The following FRAS1 variants were observed in gnomAD, a reference collection of about 807,000 sequenced individuals.
The protein encoded by FRAS1 is extracellular matrix organizing protein FRAS1.
A neutral mutation model predicts 435.2 loss-of-function variants in FRAS1; 290 were observed. That is an observed-to-expected ratio of 0.67 (90% CI 0.61 to 0.73). The LOEUF (loss-of-function observed/expected upper bound fraction) is 0.73. Among genes scored for constraint, FRAS1 ranks in the 30% least tolerant of loss-of-function variants. The pLI, the probability that FRAS1 is intolerant of heterozygous loss-of-function variation, is 0.00. For missense variants in FRAS1, 4,860 were observed against 5,001.5 expected (o/e 0.97, Z 0.85); for synonymous variants, 1,800 against 1,851.0 (o/e 0.97, Z 0.71).
At position 78,438,712 on chromosome 4, in the gene FRAS1, A is replaced by T; in HGVS notation, c.5360A>T (p.Lys1787Ile). 1 of 1,593,504 alleles carries T rather than the reference A, an allele frequency of 6.3e-7. No homozygotes were observed. The highest frequency in any genetic ancestry group is 8.5e-7 in the Non-Finnish European group (1 of 1,169,838). Residue 1787 changes from lysine (K) to isoleucine (I), a missense_variant, in exon 39 of 74, where the codon AAA becomes ATA. Transcript: ENST00000512123. The stretch of plus-strand genomic sequence containing the variant: ...ACAATGGAAGACATCAATAACAAGA[A>T]AATCAGGTACATAATCACTTTGTAT... ...NFTMEDINNK[K>I]IRYSAVFETD...
intron 2 of FRAS1, among the ~76,000 whole-genome samples, chr4:78,127,697 A>G (rs535751787): frequency 6.6e-6 from 1 of 152,202 alleles, no homozygotes; most frequent in East Asian, 1.9e-4. Flanking sequence ...CAGGAAGAGG[A>G]TCGTTTAGAG....
chr4:78,218,094 T>A lies in FRAS1; in HGVS notation c.109-19416T>A, dbSNP rs762374058. 5.0e-3 allele frequency among the ~76,000 whole-genome samples: 49 copies of A among 9,738 alleles called. 3 individuals carry two copies. The South Asian group carries it at 0.1, about 20-fold the overall frequency. 6.4% of individuals were successfully genotyped at this position (9,738 alleles called of 152,430 possible). ...TCTCCCTTCTCTCTCTCTCTCACTCTCTCTCACACACACACACACACACAC... is the reference window on the plus strand; with the variant it reads ...TCTCCCTTCTCTCTCTCTCTCACTCACTCTCACACACACACACACACACAC... On this transcript the variant is annotated intron_variant, in intron 2 of 73. Transcript: ENST00000512123.
intron 2 of FRAS1, among the ~76,000 whole-genome samples, chr4:78,199,941 T>G (rs2110074430): frequency 6.6e-6 from 1 of 152,358 alleles, no homozygotes; most frequent in East Asian, 1.9e-4. Context: ...GAAATAGCTC[T>G]AATACTTTAA....
At chr4:78,446,239 A>G (rs936528323) in intron 42 of FRAS1, 9 of 997,372 alleles carry the variant, frequency 9.0e-6, no homozygotes, top group African/African-American at 3.5e-5. Flanking sequence ...AATAAAATGT[A>G]AAGAACCCTC....
intron 2 of FRAS1, among the ~76,000 whole-genome samples, chr4:78,131,727 G>A (rs1353257784): frequency 6.6e-6 from 1 of 152,196 alleles, no homozygotes; most frequent in Non-Finnish European, 1.5e-5. Context: ...GAGCATTTGA[G>A]CATCGTGCCA....
At chr4:78,285,232 C>T (rs908760826) in intron 13 of FRAS1, among the ~76,000 whole-genome samples, 10 of 151,572 alleles carry the variant, frequency 6.6e-5, no homozygotes, top group East Asian at 4.0e-4. Context: ...TGGTGGCGCA[C>T]GCCTGTAGTC....
At chr4:78,272,650 T>A (rs1420358347) in intron 9 of FRAS1, among the ~76,000 whole-genome samples, 4 of 152,212 alleles carry the variant, frequency 2.6e-5, no homozygotes, top group Admixed American at 6.5e-5. Flanking sequence ...CTGAGGGCTC[T>A]GTTCTGTTCC....
At chr4:78,496,677 A>C in intron 59 of FRAS1, 128 bp from the exon 60 acceptor site, 1 of 908,120 alleles carries the variant, frequency 1.1e-6, no homozygotes, top group Non-Finnish European at 1.7e-6. Context: ...TATAAATGAA[A>C]CTGGATCCTT....
rs555742776 is a variant in FRAS1, at chr4:78,473,212, A to G, written c.7523-226A>G. On this transcript the variant is annotated intron_variant, in intron 52 of 73. Coordinates refer to ENST00000512123, the MANE Select transcript of FRAS1 (RefSeq NM_025074.7). ...TATAACAGCATAAGAGATATTTACA[A>G]TATCTCTGTACTTAAAGACAGATCT... Among the ~76,000 whole-genome samples, 18 of 152,300 alleles carry G rather than the reference A, an allele frequency of 1.2e-4. No individual in the cohort carries two copies. The South Asian group carries it at 2.5e-3, about 21-fold the overall frequency.
At chr4:78,485,393 G>A (rs1720139023) in intron 58 of FRAS1, among the ~76,000 whole-genome samples, 1 of 152,158 alleles carries the variant, frequency 6.6e-6, no homozygotes, top group Non-Finnish European at 1.5e-5. Context: ...TTATTGATGA[G>A]CATTGGGTTT....
intron 3 of FRAS1, among the ~76,000 whole-genome samples, chr4:78,238,080 A>G (rs1327689320): frequency 6.6e-6 from 1 of 152,148 alleles, no homozygotes; most frequent in African/African-American, 2.4e-5. Context: ...AATGGATTGA[A>G]AGTCAGAACT....
intron 30 of FRAS1, among the ~76,000 whole-genome samples, chr4:78,401,605 T>C (rs1732895090): frequency 6.6e-6 from 1 of 151,892 alleles, no homozygotes; most frequent in Non-Finnish European, 1.5e-5. Context: ...ATTAAGATGC[T>C]GCATAAAGCC....
chr4:78,402,638 C>T (rs998787836), intron 30 of FRAS1, among the ~76,000 whole-genome samples: 2 of 152,138 alleles, frequency 1.3e-5, no homozygotes, highest in Admixed American at 6.5e-5. Context: ...ATTATTGAAA[C>T]CAGGAAATTA....
intron 14 of FRAS1, among the ~76,000 whole-genome samples, chr4:78,297,581 G>T (rs57078733): frequency 6.6e-6 from 1 of 152,050 alleles, no homozygotes; most frequent in African/African-American, 2.4e-5. Flanking sequence ...TTTCATTTTC[G>T]AAATGAGTTG....
intron 9 of FRAS1, among the ~76,000 whole-genome samples, chr4:78,277,873 G>A (rs1212230467): frequency 1.1e-4 from 17 of 151,542 alleles, no homozygotes; most frequent in South Asian, 4.2e-4. Flanking sequence ...GTGCAGTGGC[G>A]TGATCTCGGC....
chr4:78,252,690 A>T, intron 5 of FRAS1, 139 bp downstream of exon 5: 1 of 854,942 alleles, frequency 1.2e-6, no homozygotes, highest in Non-Finnish European at 1.8e-6. Context: ...TAGAAAGAGT[A>T]CAAAGAGAGG....
rs753966740 is a variant in FRAS1 at position 78,255,398 on chromosome 4, G to A, written c.603+23G>A. On this transcript the variant is annotated intron_variant, in intron 6 of 73. Transcript: ENST00000512123. ...CAGGTAAGGAAGACAACCTCAGCAT[G>A]CAGCCTTCACGGGCTATTGAAGAAC... 1.9e-6 allele frequency: 3 copies of A among 1,574,672 alleles called. No homozygotes were observed. In the African/African-American group the frequency reaches 4.0e-5, roughly 21 times the overall value.
At position 78,430,529 on chromosome 4, in the gene FRAS1, T is replaced by C. The variant is rs756845784; in HGVS notation, c.4969+112T>C. On this transcript the variant is annotated intron_variant, in intron 37 of 73. Transcript: ENST00000512123. ...CAAAGCGTCTTTGTGATACAGACTATGAGGAGCTATTTTGTGTGTAGTTTC... is the reference window on the plus strand; with the variant it reads ...CAAAGCGTCTTTGTGATACAGACTACGAGGAGCTATTTTGTGTGTAGTTTC... 2.7e-5 allele frequency: 30 copies of C among 1,091,848 alleles called. No homozygotes were observed. In the South Asian group the frequency reaches 5.0e-4, roughly 18 times the overall value. The allele number at this position is 1,091,848 out of a possible 1,614,324, so 67.6% of individuals were successfully genotyped here. A position where few individuals can be genotyped will look rare whatever the true frequency, so the allele number is the denominator to read the frequency against.
intron 14 of FRAS1, among the ~76,000 whole-genome samples, chr4:78,307,462 C>G (rs992491496): frequency 6.6e-6 from 1 of 152,202 alleles, no homozygotes; most frequent in African/African-American, 2.4e-5. Flanking sequence ...CCTCCCCCAG[C>G]CTTGCTGCCG....
Sources: gnomAD v4.1 joint callset for allele counts (sites outside exome capture counted in the v4.1 genomes callset) on GRCh38, gnomAD v4.1.1 for gene constraint, MANE v1.5 for transcripts, NCBI Gene and HGNC (gene_info 2026-07-23, HGNC 2026-07-21) for gene names.